Variants in DIAPH3 observed in about 807,000 individuals in gnomAD.
DIAPH3 encodes diaphanous related formin 3.
A neutral mutation model predicts 144.3 loss-of-function variants in DIAPH3; 117 were observed. That is an observed-to-expected ratio of 0.81 (90% CI 0.70 to 0.95). The LOEUF is 0.95. Ranked by LOEUF, DIAPH3 falls within the 40% of genes least tolerant of loss-of-function variation. The pLI is 0.00. For missense variants in DIAPH3, 1,421 were observed against 1,412.7 expected, an observed-to-expected ratio of 1.01 and a Z score of -0.09; for synonymous variants, 519 against 488.9, an observed-to-expected ratio of 1.06 and a Z score of -0.81.
chr13:59,757,099 GAA>G (rs892819824), intron 27 of DIAPH3, among the ~76,000 whole-genome samples: 3 of 152,014 alleles, frequency 2.0e-5, no homozygotes, highest in Non-Finnish European at 4.4e-5. Flanking sequence ...CACAGCTAAA[GAA>G]AAATGCAAAA....
chr13:59,804,037 G>T (rs2040071464), intron 25 of DIAPH3, among the ~76,000 whole-genome samples: 1 of 152,124 alleles, frequency 6.6e-6, no homozygotes, highest in South Asian at 2.1e-4. Flanking sequence ...AAATTCTCTG[G>T]TTCCTTAACT....
chr13:59,710,050 A>T (rs1398985149), intron 27 of DIAPH3, among the ~76,000 whole-genome samples: 1 of 151,698 alleles, frequency 6.6e-6, no homozygotes. Flanking sequence ...AACAATGAGA[A>T]CACATGGACA....
chr13:59,688,315 A>C (rs1451524524), intron 27 of DIAPH3, among the ~76,000 whole-genome samples: 1 of 152,060 alleles, frequency 6.6e-6, no homozygotes, highest in East Asian at 1.9e-4. Context: ...ACATATTAAA[A>C]ATGTCTCTAG....
intron 25 of DIAPH3, among the ~76,000 whole-genome samples, chr13:59,806,379 C>T (rs1040047901): frequency 6.6e-6 from 1 of 151,942 alleles, no homozygotes; most frequent in East Asian, 1.9e-4. Context: ...AAAAAACACA[C>T]CATATTAGCA....
intron 27 of DIAPH3, chr13:59,696,164 T>C (rs2033790589): frequency 6.6e-6 from 1 of 152,200 alleles, no homozygotes; most frequent in Non-Finnish European, 1.5e-5. Context: ...GTTGATCTTA[T>C]GCTTTTAGGC....
intron 17 of DIAPH3, among the ~76,000 whole-genome samples, chr13:59,952,598 G>A (rs944537368): frequency 6.6e-6 from 1 of 152,044 alleles, no homozygotes; most frequent in African/African-American, 2.4e-5. Flanking sequence ...AATCATTTTA[G>A]CATCTAGGTC....
chr13:60,128,158 G>A (rs1421232138), intron 2 of DIAPH3, among the ~76,000 whole-genome samples: 1 of 152,146 alleles, frequency 6.6e-6, no homozygotes, highest in Non-Finnish European at 1.5e-5. Context: ...AGAACATGCA[G>A]TATTTGGTTT....
At chr13:59,798,746 G>T (rs1046845754) in intron 25 of DIAPH3, among the ~76,000 whole-genome samples, 1 of 152,192 alleles carries the variant, frequency 6.6e-6, no homozygotes, top group Admixed American at 6.5e-5. Flanking sequence ...CAGAAAAGAT[G>T]CCCCCATCTG....
At chr13:59,834,220 C>T (rs1043756237) in intron 23 of DIAPH3, among the ~76,000 whole-genome samples, 21 of 151,600 alleles carry the variant, frequency 1.4e-4, no homozygotes, top group Admixed American at 1.3e-4. Flanking sequence ...ATTGCTAATG[C>T]AGTCAGATAT....
At chr13:60,142,680 G>T (rs950963329) in intron 1 of DIAPH3, among the ~76,000 whole-genome samples, 7 of 151,360 alleles carry the variant, frequency 4.6e-5, no homozygotes, top group African/African-American at 1.7e-4. Context: ...TACCATCAGG[G>T]ACTCTTTCCC....
At chr13:60,131,573 T>C (rs1028731152) in intron 2 of DIAPH3, among the ~76,000 whole-genome samples, 5 of 150,710 alleles carry the variant, frequency 3.3e-5, no homozygotes, top group African/African-American at 4.9e-5. Flanking sequence ...TTATATGAAA[T>C]GTCCAGAACA....
intron 25 of DIAPH3, among the ~76,000 whole-genome samples, chr13:59,800,424 T>C (rs2039845881): frequency 6.6e-6 from 1 of 152,142 alleles, no homozygotes; most frequent in African/African-American, 2.4e-5. Context: ...CAACACTCCT[T>C]CCGAAGATTT....
intron 18 of DIAPH3, among the ~76,000 whole-genome samples, chr13:59,921,242 C>A (rs1593992779): frequency 2.4e-5 from 3 of 126,500 alleles, no homozygotes; most frequent in Admixed American, 7.8e-5. Context: ...AAGATCCAAG[C>A]AGAAATAAAT....
chr13:59,835,458 C>T (rs184335915), intron 23 of DIAPH3, among the ~76,000 whole-genome samples: 27 of 151,828 alleles, frequency 1.8e-4, no homozygotes, highest in Admixed American at 1.4e-3. Flanking sequence ...AGAGGCTTGA[C>T]TGTTAAAGAG....
Position 59,981,155 on chromosome 13 carries a change from A to G in DIAPH3, c.1481-296T>C, listed in dbSNP as rs575827346. Among the ~76,000 whole-genome samples, 5 of 151,490 alleles carry G rather than the reference A, an allele frequency of 3.3e-5. No individual in the cohort carries two copies. In the South Asian group the frequency reaches 1.0e-3, roughly 31 times the overall value. The stretch of plus-strand genomic sequence containing the variant: ...ATGTTTCTATCACCAACTCGTACAT[A>G]TTTTAAAGAAAAAAGATGATGTCTA... On this transcript the variant is annotated intron_variant, in intron 13 of 27. Transcript: ENST00000400324.
chr13:59,697,324 G>T (rs1459497835), intron 27 of DIAPH3, among the ~76,000 whole-genome samples: 1 of 151,658 alleles, frequency 6.6e-6, no homozygotes, highest in East Asian at 1.9e-4. Context: ...GCCGGGCGTG[G>T]TGGCAGGCGC....
At chr13:59,838,921 G>A (rs1052382103) in intron 23 of DIAPH3, 7 of 178,562 alleles carry the variant, frequency 3.9e-5, no homozygotes, top group South Asian at 2.4e-4. Flanking sequence ...CCAGTCTGGC[G>A]AATATGGTGA....
chr13:59,815,610 T>C (rs1194748414), intron 24 of DIAPH3, among the ~76,000 whole-genome samples: 1 of 152,084 alleles, frequency 6.6e-6, no homozygotes, highest in African/African-American at 2.4e-5. Context: ...TTTTGTAACA[T>C]ATAAAAATGT....
chr13:60,141,312 T>C (rs2059421146), intron 1 of DIAPH3, among the ~76,000 whole-genome samples: 1 of 131,846 alleles, frequency 7.6e-6, no homozygotes, highest in African/African-American at 2.9e-5. Context: ...GTCTCATAAT[T>C]CTAATTTTTT....
Sources: allele counts gnomAD v4.1 joint callset (sites outside exome capture counted in the v4.1 genomes callset), GRCh38; gene constraint gnomAD v4.1.1; transcripts MANE v1.5; gene names NCBI Gene and HGNC (gene_info 2026-07-23, HGNC 2026-07-21).